Variants in TRPM3 observed in about 807,000 individuals in gnomAD.
TRPM3 encodes the protein transient receptor potential cation channel subfamily M member 3, also known as long transient receptor potential channel 3.
Under a neutral mutation model 181.2 loss-of-function variants are expected in TRPM3, and 77 were observed. The ratio of observed to expected loss-of-function variants is 0.42; its 90% CI spans 0.35 to 0.51. TRPM3 has a LOEUF of 0.51. Among genes scored for constraint, TRPM3 ranks in the 20% least tolerant of loss-of-function variants. The pLI is 0.01. For missense variants in TRPM3, 1,759 were observed against 2,196.7 expected (o/e 0.80, Z 3.98); for synonymous variants, 745 against 796.4 (o/e 0.94, Z 1.09).
At position 71,109,336 on chromosome 9, in the gene TRPM3, C is replaced by T. The variant is rs556331764; in HGVS notation, c.177+11842G>A. Among the ~76,000 whole-genome samples, 6 of 151,836 alleles carry T rather than the reference C, an allele frequency of 4.0e-5. No individual in the cohort carries two copies. The South Asian group carries it at 6.2e-4, about 16-fold the overall frequency. The stretch of plus-strand genomic sequence containing the variant: ...GGAGATTCCTGACTAATACAATCTA[C>T]AATAACTCCAAAGTGAAAGCAGTTG... On this transcript the variant is annotated intron_variant, in intron 1 of 25. Coordinates refer to ENST00000677713, the MANE Select transcript of TRPM3 (RefSeq NM_001366145.2).
intron 1 of TRPM3, chr9:70,917,396 A>G: frequency 1.1e-6 from 1 of 881,746 alleles, no homozygotes; most frequent in Non-Finnish European, 1.9e-6. Flanking sequence ...CCAAGAGCTC[A>G]GTGGGGACAC....
At chr9:71,350,605 G>A (rs1159579052) in intron 1 of TRPM3, among the ~76,000 whole-genome samples, 1 of 152,184 alleles carries the variant, frequency 6.6e-6, no homozygotes. Context: ...AAAATCCTCA[G>A]ATATTTCACA....
intron 3 of TRPM3, among the ~76,000 whole-genome samples, chr9:70,862,120 C>T (rs749910333): frequency 1.3e-5 from 2 of 152,088 alleles, no homozygotes; most frequent in Admixed American, 6.6e-5. Context: ...CTCCATGACA[C>T]GCCTAAGAAC....
intron 1 of TRPM3, among the ~76,000 whole-genome samples, chr9:71,173,938 T>C (rs1266165926): frequency 6.6e-6 from 1 of 152,178 alleles, no homozygotes; most frequent in Non-Finnish European, 1.5e-5. Flanking sequence ...AATAAAGTCA[T>C]TCCACATTCA....
chr9:70,816,373 C>T (rs930814651), intron 6 of TRPM3, among the ~76,000 whole-genome samples: 3 of 152,210 alleles, frequency 2.0e-5, no homozygotes, highest in African/African-American at 7.2e-5. Context: ...GTGTAAGAAT[C>T]CTTTAAATCC....
At chr9:71,306,848 G>C (rs1255862169) in intron 1 of TRPM3, among the ~76,000 whole-genome samples, 1 of 152,078 alleles carries the variant, frequency 6.6e-6, no homozygotes, top group African/African-American at 2.4e-5. Context: ...ACTCCAGCCT[G>C]GTGACAGAGC....
chr9:71,133,963 CTGTGTGTGTT>C (rs1399076569), intron 1 of TRPM3, among the ~76,000 whole-genome samples: 6 of 131,802 alleles, frequency 4.6e-5, no homozygotes, highest in Non-Finnish European at 1.6e-5. Context: ...ACTATCTAAA[CTGTGTGTGTT>C]TGTGTGTGTG....
chr9:71,228,913 A>G (rs1249611269), intron 1 of TRPM3, among the ~76,000 whole-genome samples: 2 of 152,176 alleles, frequency 1.3e-5, no homozygotes, highest in Non-Finnish European at 2.9e-5. Flanking sequence ...TAAAGATTCA[A>G]TGTAATCCCT....
At chr9:70,592,255 G>A (rs755184895) in intron 21 of TRPM3, among the ~76,000 whole-genome samples, 2 of 152,116 alleles carry the variant, frequency 1.3e-5, no homozygotes, top group South Asian at 2.1e-4. Context: ...TACTGGCCCC[G>A]GCAAGAGTGA....
chr9:71,286,974 AAT>A (rs2085336849), intron 1 of TRPM3, among the ~76,000 whole-genome samples: 1 of 99,436 alleles, frequency 1.0e-5, no homozygotes, highest in South Asian at 2.6e-4. Flanking sequence ...TATATAATAT[AAT>A]TATATTATAT....
intron 1 of TRPM3, among the ~76,000 whole-genome samples, chr9:71,345,435 T>C (rs2091234430): frequency 1.3e-5 from 2 of 152,198 alleles, no homozygotes; most frequent in African/African-American, 2.4e-5. Context: ...TTCATGTCCT[T>C]TGCGGGGACA....
chr9:70,695,245 G>C (rs1225011832), intron 8 of TRPM3, among the ~76,000 whole-genome samples: 8 of 152,150 alleles, frequency 5.3e-5, no homozygotes, highest in African/African-American at 1.7e-4. Flanking sequence ...ATAACCTTAG[G>C]CCATCTACTG....
At chr9:71,108,758 A>G (rs951416371) in intron 1 of TRPM3, among the ~76,000 whole-genome samples, 1 of 152,194 alleles carries the variant, frequency 6.6e-6, no homozygotes, top group South Asian at 2.1e-4. Context: ...ACTTCATTTC[A>G]GTCATTGGTA....
intron 1 of TRPM3, among the ~76,000 whole-genome samples, chr9:70,945,290 T>C (rs527969021): frequency 6.6e-6 from 1 of 152,360 alleles, no homozygotes; most frequent in Admixed American, 6.5e-5. Context: ...ATTATCTTTA[T>C]ATACTTTATG....
intron 9 of TRPM3, among the ~76,000 whole-genome samples, chr9:70,669,253 G>A (rs368603291): frequency 1.3e-5 from 2 of 152,286 alleles, no homozygotes; most frequent in East Asian, 1.9e-4. Flanking sequence ...CCCTAAATGC[G>A]TATAACTCTA....
intron 22 of TRPM3, among the ~76,000 whole-genome samples, chr9:70,586,937 G>A (rs778988855): frequency 4.0e-5 from 6 of 151,770 alleles, no homozygotes; most frequent in Non-Finnish European, 8.8e-5. Flanking sequence ...GCACACACAT[G>A]ACAAAAACAA....
intron 12 of TRPM3, among the ~76,000 whole-genome samples, chr9:70,627,070 T>C (rs565181087): frequency 6.0e-5 from 9 of 148,818 alleles, no homozygotes; most frequent in African/African-American, 2.0e-4. Flanking sequence ...TTGAGTATTA[T>C]GTTCTCAGTA....
At chr9:71,445,151 T>C (rs946080828) in intron 1 of TRPM3, among the ~76,000 whole-genome samples, 2 of 152,232 alleles carry the variant, frequency 1.3e-5, no homozygotes, top group African/African-American at 2.4e-5. Context: ...CATAGTTATA[T>C]GAAGATTTTA....
chr9:70,787,220 A>G (rs906104457), intron 6 of TRPM3, among the ~76,000 whole-genome samples: 6 of 152,146 alleles, frequency 3.9e-5, no homozygotes, highest in African/African-American at 1.4e-4. Flanking sequence ...ATTACCAATT[A>G]AAATGATGAA....
Sources: gnomAD v4.1 joint callset for allele counts (sites outside exome capture counted in the v4.1 genomes callset) on GRCh38, gnomAD v4.1.1 for gene constraint, MANE v1.5 for transcripts, NCBI Gene and HGNC (gene_info 2026-07-23, HGNC 2026-07-21) for gene names.